The following KCNAB1 variants were observed in gnomAD, a reference collection of about 807,000 sequenced individuals.
The protein encoded by KCNAB1 is voltage-gated potassium channel subunit beta-1.
In KCNAB1, 35 loss-of-function variants were observed where a neutral mutation model predicts 64.6. That is an observed-to-expected ratio of 0.54 (90% CI 0.41 to 0.72). The LOEUF is 0.72. KCNAB1 is among the 30% of genes least tolerant of loss of function. The pLI is 0.00. For missense variants in KCNAB1, 401 were observed against 512.9 expected (o/e 0.78, Z 2.11); for synonymous variants, 177 against 183.8 (o/e 0.96, Z 0.30).
chr3:156,509,343 C>T (rs1717029133), intron 8 of KCNAB1, among the ~76,000 whole-genome samples: 1 of 151,988 alleles, frequency 6.6e-6, no homozygotes, highest in South Asian at 2.1e-4. Flanking sequence ...TGGGGTGAGG[C>T]CCTGGGATTT....
intron 1 of KCNAB1, among the ~76,000 whole-genome samples, chr3:156,144,142 C>T (rs1011208697): frequency 2.0e-5 from 3 of 152,236 alleles, no homozygotes; most frequent in East Asian, 1.9e-4. Context: ...GCTTCCTTTA[C>T]GTACGCCTGG....
intron 8 of KCNAB1, among the ~76,000 whole-genome samples, chr3:156,482,564 T>C (rs917147659): frequency 2.0e-5 from 3 of 151,732 alleles, no homozygotes; most frequent in African/African-American, 7.3e-5. Context: ...GGGAGGGGGT[T>C]TGGAAAATAG....
At chr3:156,185,936 C>T (rs1036981108) in intron 1 of KCNAB1, among the ~76,000 whole-genome samples, 1 of 152,062 alleles carries the variant, frequency 6.6e-6, no homozygotes, top group Non-Finnish European at 1.5e-5. Flanking sequence ...TAGGCCATCC[C>T]TGCAACTTCT....
At chr3:156,121,883 C>T (rs1713366060) in intron 1 of KCNAB1, among the ~76,000 whole-genome samples, 1 of 152,164 alleles carries the variant, frequency 6.6e-6, no homozygotes. Flanking sequence ...TTCCAAAAGA[C>T]ACTACAGAAA....
intron 1 of KCNAB1, among the ~76,000 whole-genome samples, chr3:156,317,412 A>T (rs1576717189): frequency 6.6e-6 from 1 of 152,282 alleles, no homozygotes; most frequent in South Asian, 2.1e-4. Flanking sequence ...CTTTAGATGA[A>T]ATTTTTTACA....
At chr3:156,272,960 G>A (rs1719120532) in intron 1 of KCNAB1, among the ~76,000 whole-genome samples, 1 of 152,088 alleles carries the variant, frequency 6.6e-6, no homozygotes, top group Non-Finnish European at 1.5e-5. Context: ...TTTCTTAGAG[G>A]CAACAGGTTC....
At chr3:156,240,961 G>A (rs1196965931) in intron 1 of KCNAB1, among the ~76,000 whole-genome samples, 1 of 152,006 alleles carries the variant, frequency 6.6e-6, no homozygotes, top group Non-Finnish European at 1.5e-5. Flanking sequence ...GGGAACTGGT[G>A]TAAAACTCAT....
At chr3:156,284,042 C>T (rs1326014589) in intron 1 of KCNAB1, among the ~76,000 whole-genome samples, 3 of 152,182 alleles carry the variant, frequency 2.0e-5, no homozygotes, top group African/African-American at 7.2e-5. Context: ...GAGAGGTGCT[C>T]TGCTTTTTAG....
At chr3:156,284,665 C>T (rs1319254980) in intron 1 of KCNAB1, among the ~76,000 whole-genome samples, 1 of 152,192 alleles carries the variant, frequency 6.6e-6, no homozygotes, top group African/African-American at 2.4e-5. Flanking sequence ...GATATAGTCT[C>T]GTGATGCGCC....
At chr3:156,428,488 TACACACACACAC>T (rs4056995) in intron 2 of KCNAB1, among the ~76,000 whole-genome samples, 59 of 127,568 alleles carry the variant, frequency 4.6e-4, no homozygotes, top group African/African-American at 1.3e-3. Flanking sequence ...AATTCCTCTA[TACACACACACAC>T]ACACACACAC....
At chr3:156,151,248 C>T (rs1302581744) in intron 1 of KCNAB1, among the ~76,000 whole-genome samples, 1 of 152,194 alleles carries the variant, frequency 6.6e-6, no homozygotes, top group Non-Finnish European at 1.5e-5. Flanking sequence ...TGTTTGTTTT[C>T]ACATATCACG....
intron 1 of KCNAB1, among the ~76,000 whole-genome samples, chr3:156,277,621 C>T (rs115996157): frequency 1.8e-3 from 274 of 152,176 alleles, no homozygotes; most frequent in African/African-American, 6.4e-3. Flanking sequence ...ATATATACCA[C>T]ATTTAAAAAA....
At chr3:156,235,144 G>T (rs915711835) in intron 1 of KCNAB1, among the ~76,000 whole-genome samples, 1 of 152,168 alleles carries the variant, frequency 6.6e-6, no homozygotes, top group African/African-American at 2.4e-5. Flanking sequence ...TGGTAGAAAG[G>T]ACAACTGCTG....
chr3:156,515,902 T>A (rs1717527701), intron 10 of KCNAB1, among the ~76,000 whole-genome samples: 1 of 152,224 alleles, frequency 6.6e-6, no homozygotes, highest in Non-Finnish European at 1.5e-5. Flanking sequence ...ATAATTGTTA[T>A]TATTGCTCTC....
intron 1 of KCNAB1, chr3:156,273,496 A>AGC (rs1389349301): frequency 4.6e-6 from 2 of 433,560 alleles, no homozygotes; most frequent in Non-Finnish European, 9.3e-6. Context: ...GTGACAGCAC[A>AGC]GCACTGGGTT....
intron 1 of KCNAB1, among the ~76,000 whole-genome samples, chr3:156,368,930 G>A (rs928589290): frequency 6.6e-6 from 1 of 152,114 alleles, no homozygotes; most frequent in African/African-American, 2.4e-5. Context: ...CTCTTTCTTT[G>A]CTTGTTTCTT....
intron 1 of KCNAB1, among the ~76,000 whole-genome samples, chr3:156,390,409 C>A (rs2108167164): frequency 6.6e-6 from 1 of 152,164 alleles, no homozygotes. Context: ...ATCAACATGT[C>A]TGTAAAATGA....
intron 8 of KCNAB1, among the ~76,000 whole-genome samples, chr3:156,511,183 G>A (rs929341304): frequency 7.9e-5 from 12 of 151,608 alleles, no homozygotes; most frequent in Non-Finnish European, 1.0e-4. Context: ...GGCTTACTGC[G>A]AGCTCCACCT....
chr3:156,296,476 CTT>C (rs776717744), intron 1 of KCNAB1, among the ~76,000 whole-genome samples: 3 of 111,060 alleles, frequency 2.7e-5, no homozygotes, highest in Non-Finnish European at 3.8e-5. Context: ...CCCCCCCCAC[CTT>C]TTTTTTTTTT....
Sources: gnomAD v4.1 joint callset for allele counts (sites outside exome capture counted in the v4.1 genomes callset) on GRCh38, gnomAD v4.1.1 for gene constraint, MANE v1.5 for transcripts, NCBI Gene and HGNC (gene_info 2026-07-23, HGNC 2026-07-21) for gene names.